The following PCDHA5 variants were observed in gnomAD, a reference collection of about 807,000 sequenced individuals.
PCDHA5 encodes protocadherin alpha-5.
In PCDHA5, 43 loss-of-function variants were observed where a neutral mutation model predicts 61.6. The ratio of observed to expected loss-of-function variants is 0.70; its 90% CI spans 0.55 to 0.90. The LOEUF is 0.90. Ranked by LOEUF, PCDHA5 falls within the 40% of genes least tolerant of loss-of-function variation. The pLI, the probability that PCDHA5 is intolerant of heterozygous loss-of-function variation, is 0.00. For synonymous variants in PCDHA5, 627 were observed against 543.9 expected, an observed-to-expected ratio of 1.15 and a Z score of -2.13; for missense variants, 1,298 against 1,222.7, an observed-to-expected ratio of 1.06 and a Z score of -0.92.
chr5:140,922,162 A>G (rs2080680842), intron 1 of PCDHA5, among the ~76,000 whole-genome samples: 1 of 146,764 alleles, frequency 6.8e-6, no homozygotes, highest in African/African-American at 2.5e-5. Flanking sequence ...AAAAACAACA[A>G]AAAGTACAGC....
In PCDHA5 at chr5:140,882,314, C is replaced by G. The variant is rs370330527; in HGVS notation, c.2352+58187C>G. 9 of 1,614,000 alleles carry G rather than the reference C, an allele frequency of 5.6e-6. No individual in the cohort carries two copies. The Admixed American group carries it at 6.7e-5, about 12-fold the overall frequency. On this transcript the variant is annotated intron_variant, in intron 1 of 3. Transcript: ENST00000529859. ...AGGCCCAAGACCGCGGCAACTACTGCTCTGGCTTCTGATCCTCGCAGCCTG... is the reference window on the plus strand; with the variant it reads ...AGGCCCAAGACCGCGGCAACTACTGGTCTGGCTTCTGATCCTCGCAGCCTG...
intron 1 of PCDHA5, chr5:140,877,084 C>G: frequency 6.2e-7 from 1 of 1,613,176 alleles, no homozygotes; most frequent in Non-Finnish European, 8.5e-7. Flanking sequence ...GGTGAGCGCG[C>G]GCGACGCCGG....
chr5:140,944,710 T>C (rs564606677), intron 1 of PCDHA5, among the ~76,000 whole-genome samples: 1 of 152,300 alleles, frequency 6.6e-6, no homozygotes, highest in East Asian at 1.9e-4. Flanking sequence ...TCAGGTTATT[T>C]TGCCTTTGAA....
rs781959040 is a variant in PCDHA5 at position 140,968,057 on chromosome 5, C to A, written c.2353-10892C>A. 2.5e-6 allele frequency: 4 copies of A among 1,613,992 alleles called. 1 individual carries two copies. Among genetic ancestry groups the A allele is most frequent in the South Asian group, 2.2e-5 (2 of 91,082 alleles). ...GGTGAGCGGCCCACTGGACCGAGAGCGGGTGGCTGTCTACAACATCACGGT... is the reference window on the plus strand; with the variant it reads ...GGTGAGCGGCCCACTGGACCGAGAGAGGGTGGCTGTCTACAACATCACGGT... On this transcript the variant is annotated intron_variant, in intron 1 of 3. Transcript: ENST00000529859.
intron 1 of PCDHA5, among the ~76,000 whole-genome samples, chr5:140,975,784 A>T (rs1216156931): frequency 1.3e-5 from 2 of 151,914 alleles, no homozygotes; most frequent in African/African-American, 4.8e-5. Flanking sequence ...CCATTACAAG[A>T]TAAATTAAAT....
chr5:140,872,160 C>A (rs782612001), intron 1 of PCDHA5, among the ~76,000 whole-genome samples: 10 of 151,070 alleles, frequency 6.6e-5, no homozygotes, highest in African/African-American at 9.8e-5. Context: ...ACATGATTTA[C>A]TTTTCTTTTT....
intron 1 of PCDHA5, among the ~76,000 whole-genome samples, chr5:140,904,820 A>C (rs2071403823): frequency 6.6e-6 from 1 of 152,014 alleles, no homozygotes; most frequent in African/African-American, 2.4e-5. Flanking sequence ...GATGTTGAGC[A>C]TTTTTTTATA....
intron 1 of PCDHA5, among the ~76,000 whole-genome samples, chr5:140,826,796 T>C (rs1158951644): frequency 6.6e-6 from 1 of 152,184 alleles, no homozygotes; most frequent in Non-Finnish European, 1.5e-5. Flanking sequence ...AAAAAGTTGA[T>C]TACCTAACAT....
intron 1 of PCDHA5, among the ~76,000 whole-genome samples, chr5:140,919,693 T>C (rs1383014744): frequency 6.6e-6 from 1 of 152,234 alleles, no homozygotes; most frequent in Admixed American, 6.5e-5. Context: ...TTCAGATTTA[T>C]ATTAACTTAA....
chr5:140,954,442 G>C (rs2095039188), intron 1 of PCDHA5, among the ~76,000 whole-genome samples: 1 of 151,940 alleles, frequency 6.6e-6, no homozygotes, highest in South Asian at 2.1e-4. Flanking sequence ...GTTGTTTCTG[G>C]ACTTGTTAAT....
chr5:140,948,885 T>C (rs2094319889), intron 1 of PCDHA5, among the ~76,000 whole-genome samples: 1 of 151,652 alleles, frequency 6.6e-6, no homozygotes, highest in Non-Finnish European at 1.5e-5. Context: ...TTGCTCTCTT[T>C]TAGATTTTAA....
chr5:140,982,678 C>T (rs781968397), intron 3 of PCDHA5, 115 bp downstream of exon 3: 29 of 1,438,778 alleles, frequency 2.0e-5, no homozygotes, highest in Non-Finnish European at 2.6e-5. Context: ...TTTGTTATTC[C>T]CTTTTTTCCA....
intron 1 of PCDHA5, chr5:140,835,619 T>C: frequency 1.2e-6 from 2 of 1,613,890 alleles, no homozygotes; most frequent in African/African-American, 1.3e-5. Flanking sequence ...TGGACAGCGC[T>C]CTGGACCGCG....
At chr5:140,841,429 C>T in intron 1 of PCDHA5, 1 of 1,612,960 alleles carries the variant, frequency 6.2e-7, no homozygotes, top group African/African-American at 1.3e-5. Context: ...ACTCCGTCCC[C>T]GAGGAGGCCA....
chr5:140,885,160 CTTTT>C (rs370486132), intron 1 of PCDHA5, among the ~76,000 whole-genome samples: 314 of 152,080 alleles, frequency 2.1e-3, no homozygotes, highest in African/African-American at 7.4e-3. Context: ...ATTGTCTCTA[CTTTT>C]TTGTCCTCTA....
intron 1 of PCDHA5, chr5:140,857,339 T>A (rs2044519052): frequency 1.3e-6 from 2 of 1,597,956 alleles, no homozygotes; most frequent in Non-Finnish European, 1.7e-6. Context: ...GGACGGGGGC[T>A]CGCCTCCGCT....
At position 140,877,452 on chromosome 5, in the gene PCDHA5, G is replaced by A. The variant is rs116206336; in HGVS notation, c.2352+53325G>A. On this transcript the variant is annotated intron_variant, in intron 1 of 3. Transcript: ENST00000529859. ...AGGACCACGGTGAGCCCGCGCTGAC[G>A]TCCACGGCCACGGTGCTGGTGTCGC... 1,416 of 1,613,822 alleles carry A rather than the reference G, an allele frequency of 8.8e-4. 8 individuals carry two copies. The African/African-American group carries it at 0.017, about 19-fold the overall frequency.
chr5:140,842,811 G>T (rs1554139410), intron 1 of PCDHA5: 3 of 1,594,022 alleles, frequency 1.9e-6, no homozygotes, highest in Non-Finnish European at 2.6e-6. Flanking sequence ...CTTGTGGAGC[G>T]GCGGGTGGGC....
chr5:140,899,550 A>C (rs932403675), intron 1 of PCDHA5, among the ~76,000 whole-genome samples: 1 of 152,176 alleles, frequency 6.6e-6, no homozygotes, highest in Admixed American at 6.5e-5. Flanking sequence ...ATGGTGGATA[A>C]GCTTTTTGAT....
Sources: gnomAD v4.1 joint callset for allele counts (sites outside exome capture counted in the v4.1 genomes callset) on GRCh38, gnomAD v4.1.1 for gene constraint, MANE v1.5 for transcripts, NCBI Gene and HGNC (gene_info 2026-07-23, HGNC 2026-07-21) for gene names.